Variants in HMCN1 observed in about 807,000 individuals in gnomAD.
HMCN1 encodes the protein hemicentin 1.
A neutral mutation model predicts 625.9 loss-of-function variants in HMCN1; 321 were observed. The observed-to-expected ratio is 0.51, with a 90% CI of 0.47 to 0.56. The LOEUF is 0.56. Among genes scored for constraint, HMCN1 ranks in the 20% least tolerant of loss-of-function variants. The pLI is 0.00. For synonymous variants in HMCN1, 2,425 were observed against 2,417.6 expected (o/e 1.00, Z -0.09); for missense variants, 6,588 against 6,887.3 (o/e 0.96, Z 1.54).
intron 55 of HMCN1, 50 bp from the exon 56 acceptor site, chr1:186,081,157 T>C (rs1300572084): frequency 4.1e-6 from 6 of 1,461,710 alleles, no homozygotes; most frequent in Non-Finnish European, 5.8e-6. Context: ...TAGCATGATT[T>C]AGAAAAGACT....
chr1:185,817,377 C>A (rs1174745648), intron 1 of HMCN1, among the ~76,000 whole-genome samples: 2 of 151,860 alleles, frequency 1.3e-5, no homozygotes, highest in Non-Finnish European at 2.9e-5. Flanking sequence ...ACAGTTGGAG[C>A]AAAGACAGGG....
intron 1 of HMCN1, among the ~76,000 whole-genome samples, chr1:185,821,147 CA>C (rs1184002246): frequency 6.6e-6 from 1 of 151,862 alleles, no homozygotes; most frequent in Admixed American, 6.6e-5. Context: ...TGAGATAAGT[CA>C]ATAAGAGCAC....
At position 186,103,603 on chromosome 1, in the gene HMCN1, C is replaced by T; in HGVS notation, c.10705C>T (p.Leu3569Phe). 6.2e-7 allele frequency: 1 copy of T among 1,613,922 alleles called. No homozygotes were observed. The highest frequency in any genetic ancestry group is 8.5e-7 in the Non-Finnish European group (1 of 1,179,856). ...KMTWMKDGRP[L>F]PQTDQVQTLG... The stretch of plus-strand genomic sequence containing the variant: ...GACCTGGATGAAAGATGGCCGGCCC[C>T]TTCCACAGACGGATCAAGTGCAAAC... Residue 3569 changes from leucine to phenylalanine, a missense_variant, in exon 69 of 107, where the codon CTT (leucine) becomes TTT (phenylalanine). Physicochemically the swap from Leu to Phe is conservative, Grantham distance 22. Transcript: ENST00000271588.
chr1:185,914,866 T>C (rs937412473), intron 6 of HMCN1, among the ~76,000 whole-genome samples: 1 of 152,092 alleles, frequency 6.6e-6, no homozygotes, highest in Non-Finnish European at 1.5e-5. Flanking sequence ...ATTTTGCCAC[T>C]AGTATATGCC....
At position 185,891,305 on chromosome 1, in the gene HMCN1, A is replaced by C. The variant is rs1161572508; in HGVS notation, c.622-18032A>C. On this transcript the variant is annotated intron_variant, in intron 4 of 106. Transcript: ENST00000271588. The stretch of plus-strand genomic sequence containing the variant: ...GTCTTTTAATTGGAGCATTTAGTCC[A>C]TTTACATTTAAAGTTAATATTGTTA... Among the ~76,000 whole-genome samples, 15 of 142,126 alleles carry C rather than the reference A, an allele frequency of 1.1e-4. 2 individuals carry two copies. Among genetic ancestry groups the C allele is most frequent in the African/African-American group, 3.8e-4 (13 of 34,060 alleles). The allele number at this position is 142,126 out of a possible 152,430, so 93.2% of individuals were successfully genotyped here. A position where few individuals can be genotyped will look rare whatever the true frequency, so the allele number is the denominator to read the frequency against.
intron 76 of HMCN1, 125 bp from the exon 77 acceptor site, chr1:186,117,332 GAA>G: frequency 8.3e-7 from 1 of 1,202,644 alleles, no homozygotes; most frequent in Non-Finnish European, 1.2e-6. Flanking sequence ...ATAAAAGGAG[GAA>G]TCCCTTTTCT....
chr1:186,039,084 G>GT, intron 38 of HMCN1, 79 bp downstream of exon 38: 1 of 980,182 alleles, frequency 1.0e-6, no homozygotes. Flanking sequence ...AAATTCTTGT[G>GT]TAAGTATTTA....
rs907235295 is a variant in HMCN1 at position 186,053,015 on chromosome 1, T to C, written c.6641T>C (p.Ile2214Thr). 5.0e-6 allele frequency: 8 copies of C among 1,608,092 alleles called. No individual in the cohort carries two copies. In the African/African-American group the frequency reaches 1.1e-4, roughly 22 times the overall value. Residue 2214 changes from isoleucine to threonine, a missense_variant, in exon 43 of 107, where the codon ATT (isoleucine) becomes ACT (threonine). This residue lies in a region of HMCN1 where 4,628 missense variants were observed against 4,853.1 expected (regional missense o/e 0.95). Coordinates refer to ENST00000271588, the MANE Select transcript of HMCN1 (RefSeq NM_031935.3). ...CTTACAGTCATTGAAGGGAATCTCATTAGTCTGTTGTGTGAATCAAGTGGT... is the reference window on the plus strand; with the variant it reads ...CTTACAGTCATTGAAGGGAATCTCACTAGTCTGTTGTGTGAATCAAGTGGT... Reference protein sequence around the residue: ...TQLTVIEGNLISLLCESSGIP... With the variant: ...TQLTVIEGNLTSLLCESSGIP...
chr1:186,142,476 A>G (rs1650033119), intron 89 of HMCN1, among the ~76,000 whole-genome samples: 1 of 152,188 alleles, frequency 6.6e-6, no homozygotes, highest in Non-Finnish European at 1.5e-5. Context: ...ACACAGGTGC[A>G]TATGTCTTTA....
intron 3 of HMCN1, among the ~76,000 whole-genome samples, chr1:185,865,310 G>A (rs1219732887): frequency 6.6e-6 from 1 of 152,144 alleles, no homozygotes; most frequent in Admixed American, 6.5e-5. Context: ...TGTCATTTTT[G>A]CCTCATGCTA....
intron 69 of HMCN1, 118 bp downstream of exon 69, chr1:186,103,786 G>T: frequency 1.2e-6 from 1 of 819,360 alleles, no homozygotes. Context: ...TGTGTAACTG[G>T]AGCAGGATGG....
intron 22 of HMCN1, among the ~76,000 whole-genome samples, chr1:185,991,809 T>C (rs553351125): frequency 6.6e-6 from 1 of 152,250 alleles, no homozygotes; most frequent in African/African-American, 2.4e-5. Context: ...AGAGCTACAA[T>C]TCCTGGTCAA....
chr1:185,752,996 T>C (rs1654914931), intron 1 of HMCN1, among the ~76,000 whole-genome samples: 1 of 152,070 alleles, frequency 6.6e-6, no homozygotes, highest in African/African-American at 2.4e-5. Flanking sequence ...GACCAGGTTG[T>C]TTTTATCCCA....
chr1:185,870,144 A>G (rs1663519483), intron 4 of HMCN1, among the ~76,000 whole-genome samples: 2 of 152,254 alleles, frequency 1.3e-5, no homozygotes, highest in East Asian at 3.9e-4. Flanking sequence ...AGTGGTCTAT[A>G]AATCACTGTA....
intron 97 of HMCN1, among the ~76,000 whole-genome samples, chr1:186,156,850 C>T (rs1651058651): frequency 6.6e-6 from 1 of 152,018 alleles, no homozygotes; most frequent in Non-Finnish European, 1.5e-5. Context: ...TGTTGAGTGC[C>T]TACTATGTAC....
intron 57 of HMCN1, among the ~76,000 whole-genome samples, chr1:186,083,899 A>G (rs1039154710): frequency 6.6e-6 from 1 of 152,194 alleles, no homozygotes; most frequent in African/African-American, 2.4e-5. Flanking sequence ...TGAATGGATA[A>G]ATCTAACCAG....
intron 63 of HMCN1, 151 bp downstream of exon 63, chr1:186,088,906 C>T (rs1386148271): frequency 2.6e-6 from 2 of 780,992 alleles, no homozygotes; most frequent in Non-Finnish European, 4.0e-6. Context: ...TTATATTTAC[C>T]AGTAGATTCT....
intron 93 of HMCN1, 125 bp from the exon 94 acceptor site, chr1:186,151,075 T>C: frequency 1.2e-6 from 1 of 868,246 alleles, no homozygotes; most frequent in East Asian, 2.4e-5. Context: ...AATTCAGATG[T>C]CATATGACCT....
chr1:185,809,323 A>T (rs1659366383), intron 1 of HMCN1, among the ~76,000 whole-genome samples: 1 of 152,038 alleles, frequency 6.6e-6, no homozygotes, highest in Non-Finnish European at 1.5e-5. Context: ...ATAATTTTGT[A>T]ATTAATAAAA....
Sources: allele counts gnomAD v4.1 joint callset (sites outside exome capture counted in the v4.1 genomes callset), GRCh38; gene constraint gnomAD v4.1.1; regional missense constraint gnomAD v4.1.1; transcripts MANE v1.5; gene names NCBI Gene and HGNC (gene_info 2026-07-23, HGNC 2026-07-21).